Variants in C1orf174 observed in about 807,000 individuals in gnomAD.
C1orf174 encodes chromosome 1 open reading frame 174.
A neutral mutation model predicts 18.4 loss-of-function variants in C1orf174; 13 were observed. That is an observed-to-expected ratio of 0.71 (90% CI 0.46 to 1.12). C1orf174 has a LOEUF of 1.12. C1orf174 is among the 50% of genes most tolerant of loss of function. C1orf174 has a pLI of 0.00. For missense variants in C1orf174, 309 were observed against 308.0 expected (o/e 1.00, Z -0.02); for synonymous variants, 100 against 118.3 (o/e 0.85, Z 1.01).
At chr1:3,891,678 G>A (rs1465463152) in intron 2 of C1orf174, 7 of 985,856 alleles carry the variant, frequency 7.1e-6, no homozygotes, top group East Asian at 1.1e-4. Flanking sequence ...TAGGGTGAAC[G>A]GCAGACGGCA....
At position 3,890,810 on chromosome 1, in the gene C1orf174, A is replaced by G. The variant is rs1461928659; in HGVS notation, c.377T>C (p.Val126Ala). 1 of 1,613,456 alleles carries G rather than the reference A, an allele frequency of 6.2e-7. No individual in the cohort carries two copies. Among genetic ancestry groups the G allele is most frequent in the East Asian group, 2.2e-5 (1 of 44,864 alleles). ...AASLPLGGCR[V>A]VSDSRLAKTR... is the part of the protein sequence containing the mutation. ...CTTTGCTAAGCGAGAGTCACTCACA[A>G]CTCTGCAGCCACCGAGAGGAAGACT... Residue 126 changes from valine to alanine, a missense_variant, in exon 3 of 4, where the codon GTT becomes GCT. By Grantham distance (64) the Val-to-Ala change is moderately conservative. Coordinates refer to ENST00000361605, the MANE Select transcript of C1orf174 (RefSeq NM_207356.3).
At position 3,891,014 on chromosome 1, in the gene C1orf174, T is replaced by C. The variant is rs774841362; in HGVS notation, c.173A>G (p.Lys58Arg). The C allele has an allele frequency of 9.3e-6, 15 of 1,613,596 alleles. 1 individual carries two copies. The South Asian group carries it at 1.4e-4, about 15-fold the overall frequency. Residue 58 changes from lysine (K) to arginine (R), a missense_variant, in exon 3 of 4, where the codon AAG becomes AGG. Lys to Arg is a conservative substitution (Grantham distance 26). Transcript: ENST00000361605. ...HKATDTRTSK[K>R]FKCDKGHLVK... Reference sequence around the variant, plus strand: ...AAGATGTCCTTTGTCACATTTGAACTTCTTGGACGTTCGCGTGTCTGTGGC... The same window carrying C: ...AAGATGTCCTTTGTCACATTTGAACCTCTTGGACGTTCGCGTGTCTGTGGC...
At chr1:3,891,890 G>A (rs1638524032) in intron 2 of C1orf174, 8 of 871,212 alleles carry the variant, frequency 9.2e-6, no homozygotes, top group Admixed American at 6.4e-5. Context: ...ACGGGTGGGA[G>A]GGTGCTAGGA....
intron 2 of C1orf174, 60 bp from the exon 3 acceptor site, chr1:3,891,117 A>G: frequency 1.3e-6 from 2 of 1,493,310 alleles, no homozygotes; most frequent in Non-Finnish European, 1.8e-6. Flanking sequence ...ACAGGCCTCA[A>G]TCCAGAGGCT....
chr1:3,899,258 T>A (rs1034544069), intron 1 of C1orf174, among the ~76,000 whole-genome samples: 1 of 152,190 alleles, frequency 6.6e-6, no homozygotes, highest in Non-Finnish European at 1.5e-5. Flanking sequence ...ACTACCAGAC[T>A]GCATTTTAAA....
At chr1:3,891,445 C>CT (rs1391805449) in intron 2 of C1orf174, 1 of 290,116 alleles carries the variant, frequency 3.4e-6, no homozygotes, top group Admixed American at 5.5e-5. Flanking sequence ...AGGCAGGGGT[C>CT]TTTGCTTTAT....
At chr1:3,893,526 AAAG>A (rs1303226288) in intron 1 of C1orf174, among the ~76,000 whole-genome samples, 1 of 152,244 alleles carries the variant, frequency 6.6e-6, no homozygotes, top group Non-Finnish European at 1.5e-5. Context: ...TAATAACAAG[AAAG>A]AAATTAATTA....
chr1:3,890,450 T>G, intron 3 of C1orf174, 119 bp downstream of exon 3: 5 of 1,357,694 alleles, frequency 3.7e-6, no homozygotes, highest in Non-Finnish European at 5.0e-6. Flanking sequence ...GTTAAAATGA[T>G]TAGTTTATGT....
At chr1:3,891,135 C>A in intron 2 of C1orf174, 78 bp from the exon 3 acceptor site, 1 of 1,462,440 alleles carries the variant, frequency 6.8e-7, no homozygotes, top group Middle Eastern at 1.8e-4. Flanking sequence ...GCTAGTATTT[C>A]TTCTCACATC....
intron 1 of C1orf174, among the ~76,000 whole-genome samples, chr1:3,894,130 TG>T: frequency 6.6e-6 from 1 of 152,072 alleles, no homozygotes; most frequent in African/African-American, 2.4e-5. Flanking sequence ...TCGAAAGGAA[TG>T]AGTGTGAGTA....
At chr1:3,893,455 A>G (rs1010040148) in intron 1 of C1orf174, among the ~76,000 whole-genome samples, 2 of 152,200 alleles carry the variant, frequency 1.3e-5, no homozygotes, top group African/African-American at 4.8e-5. Flanking sequence ...CTGTCTCACA[A>G]ATTTTAATAT....
Position 3,891,000 on chromosome 1 carries a change from T to G in C1orf174, c.187A>C (p.Lys63Gln). The G allele has an allele frequency of 6.2e-7, 1 of 1,614,190 alleles. No homozygotes were observed. The highest frequency in any genetic ancestry group is 1.6e-4 in the Middle Eastern group (1 of 6,062). Residue 63 changes from lysine to glutamine, a missense_variant, in exon 3 of 4, where the codon AAA becomes CAA. Coordinates refer to ENST00000361605, the MANE Select transcript of C1orf174 (RefSeq NM_207356.3). ...AATTCTGACTTCACAAGATGTCCTT[T>G]GTCACATTTGAACTTCTTGGACGTT... ...TRTSKKFKCD[K>Q]GHLVKSELQK...
At chr1:3,893,904 T>C (rs530130469) in intron 1 of C1orf174, among the ~76,000 whole-genome samples, 2 of 152,102 alleles carry the variant, frequency 1.3e-5, no homozygotes, top group Non-Finnish European at 2.9e-5. Flanking sequence ...TCTGAAAAAA[T>C]AATAATAATA....
chr1:3,894,663 C>T (rs1283872396), intron 1 of C1orf174, among the ~76,000 whole-genome samples: 2 of 151,468 alleles, frequency 1.3e-5, no homozygotes, highest in Admixed American at 1.3e-4. Flanking sequence ...TAGCCCAAGA[C>T]AGCTCCAGAA....
intron 1 of C1orf174, among the ~76,000 whole-genome samples, chr1:3,894,346 G>A (rs1039442403): frequency 4.5e-4 from 67 of 149,718 alleles, no homozygotes; most frequent in Non-Finnish European, 6.1e-4. Context: ...GGTGGCTCAC[G>A]GCTGTAATCC....
At chr1:3,890,207 C>G in intron 3 of C1orf174, 134 bp from the exon 4 acceptor site, 1 of 697,496 alleles carries the variant, frequency 1.4e-6, no homozygotes, top group Non-Finnish European at 2.5e-6. Flanking sequence ...ATGCCTGAGT[C>G]CCAGCACTCG....
In C1orf174 at chr1:3,892,864, C is replaced by T. The variant is rs1387950559; in HGVS notation, c.129+19G>A. 6.2e-7 allele frequency: 1 copy of T among 1,612,744 alleles called. No individual in the cohort carries two copies. On this transcript the variant is annotated intron_variant, in intron 2 of 3. Coordinates refer to ENST00000361605, the MANE Select transcript of C1orf174 (RefSeq NM_207356.3). The stretch of plus-strand genomic sequence containing the variant: ...CCTCGAGTCAGGATCTTGGCGTTCT[C>T]CACGGTAACAGGGCTCACCAGACAT...
chr1:3,900,137 GC>G, intron 1 of C1orf174, 34 bp downstream of exon 1: 1 of 1,570,284 alleles, frequency 6.4e-7, no homozygotes, highest in African/African-American at 1.4e-5. Flanking sequence ...TCCCCGCCCT[GC>G]CCGGCGCAGC....
Position 3,889,715 on chromosome 1 carries a change from AAAAAAAG to A in C1orf174, c.*238_*244del, listed in dbSNP as rs1638466562. On this transcript the variant is annotated 3_prime_UTR_variant, in exon 4 of 4. Coordinates refer to ENST00000361605, the MANE Select transcript of C1orf174 (RefSeq NM_207356.3). Reference sequence around the variant, plus strand: ...TGTCTCCAAGGAAAAAAAAAAAAAAAAAAAAAGAAAGGACATTGGCACAGTACAGCAG... The same window carrying A: ...TGTCTCCAAGGAAAAAAAAAAAAAAAAAAGGACATTGGCACAGTACAGCAG... The A allele has an allele frequency of 6.2e-6, 2 of 320,704 alleles. No individual in the cohort carries two copies. Among genetic ancestry groups the A allele is most frequent in the Non-Finnish European group, 1.2e-5 (2 of 171,786 alleles). 19.9% of individuals were successfully genotyped at this position (320,704 alleles called of 1,614,324 possible).
Sources: gnomAD v4.1 joint callset for allele counts (sites outside exome capture counted in the v4.1 genomes callset) on GRCh38, gnomAD v4.1.1 for gene constraint, MANE v1.5 for transcripts, NCBI Gene and HGNC (gene_info 2026-07-23, HGNC 2026-07-21) for gene names.